KSR2: variants seen among roughly 807,000 people sequenced by gnomAD.
The protein encoded by KSR2 is kinase suppressor of ras 2.
A neutral mutation model predicts 107.8 loss-of-function variants in KSR2; 25 were observed. The ratio of observed to expected loss-of-function variants is 0.23; its 90% CI spans 0.17 to 0.32. The LOEUF (loss-of-function observed/expected upper bound fraction) is 0.32. Ranked by LOEUF, KSR2 falls within the 10% of genes least tolerant of loss-of-function variation. The pLI is 1.00. For missense variants in KSR2, 887 were observed against 1,268.9 expected (o/e 0.70, Z 4.57); for synonymous variants, 480 against 507.0 (o/e 0.95, Z 0.71).
At chr12:117,705,017 G>A (rs1012232384) in intron 4 of KSR2, among the ~76,000 whole-genome samples, 2 of 152,254 alleles carry the variant, frequency 1.3e-5, no homozygotes, top group Middle Eastern at 3.4e-3. Flanking sequence ...ATTAAGGGAC[G>A]CCTTTGTGCC....
At chr12:117,685,210 T>C (rs1306855867) in intron 4 of KSR2, among the ~76,000 whole-genome samples, 1 of 152,224 alleles carries the variant, frequency 6.6e-6, no homozygotes, top group Non-Finnish European at 1.5e-5. Context: ...TGTGTTGGCG[T>C]CCAGGCCCGT....
chr12:117,542,266 C>T (rs778715713), intron 9 of KSR2, among the ~76,000 whole-genome samples: 2 of 152,108 alleles, frequency 1.3e-5, no homozygotes, highest in Non-Finnish European at 2.9e-5. Context: ...TATGTAGGTA[C>T]CCACCTCCTT....
At chr12:117,837,937 G>C (rs1265733384) in intron 3 of KSR2, among the ~76,000 whole-genome samples, 2 of 152,142 alleles carry the variant, frequency 1.3e-5, no homozygotes, top group African/African-American at 4.8e-5. Flanking sequence ...GTCAGTGGGG[G>C]AAATTCGGAG....
intron 3 of KSR2, among the ~76,000 whole-genome samples, chr12:117,827,014 G>A (rs563523440): frequency 4.4e-4 from 60 of 136,418 alleles, no homozygotes; most frequent in African/African-American, 1.6e-3. Context: ...CAGCCTGGCC[G>A]ACACAGTGAG....
chr12:117,483,552 G>A (rs1872292415), intron 16 of KSR2, among the ~76,000 whole-genome samples: 2 of 152,058 alleles, frequency 1.3e-5, no homozygotes, highest in Admixed American at 1.3e-4. Context: ...GCGAGAGAGA[G>A]ACAGCAAGAG....
intron 3 of KSR2, among the ~76,000 whole-genome samples, chr12:117,796,281 G>A (rs1021205744): frequency 6.6e-6 from 1 of 152,178 alleles, no homozygotes; most frequent in African/African-American, 2.4e-5. Flanking sequence ...GCCTCTGTGA[G>A]CAAGTGCATG....
intron 1 of KSR2, among the ~76,000 whole-genome samples, chr12:117,887,364 G>C (rs2393376): frequency 0.37 from 56,689 of 152,012 alleles, 12,605 homozygotes; most frequent in East Asian, 0.87. Flanking sequence ...GGCCTCCCAA[G>C]TGCTGGGATT....
At chr12:117,792,900 C>T (rs1890310108) in intron 3 of KSR2, among the ~76,000 whole-genome samples, 1 of 150,436 alleles carries the variant, frequency 6.6e-6, no homozygotes, top group Non-Finnish European at 1.5e-5. Context: ...ACATGCAGAC[C>T]CTCACACCAA....
At chr12:117,724,610 A>T (rs1887345447) in intron 4 of KSR2, among the ~76,000 whole-genome samples, 1 of 150,056 alleles carries the variant, frequency 6.7e-6, no homozygotes, top group South Asian at 2.1e-4. Flanking sequence ...GCAGTTCTGG[A>T]CTGTTGGATG....
At chr12:117,957,521 C>T (rs1220407093) in intron 1 of KSR2, among the ~76,000 whole-genome samples, 2 of 152,244 alleles carry the variant, frequency 1.3e-5, no homozygotes, top group South Asian at 4.2e-4. Context: ...GAGCAGCACA[C>T]GGTGGGCAAG....
intron 1 of KSR2, among the ~76,000 whole-genome samples, chr12:117,867,590 T>C (rs1337689645): frequency 2.0e-5 from 3 of 152,204 alleles, no homozygotes; most frequent in Admixed American, 1.3e-4. Flanking sequence ...ACCTGCTGGC[T>C]TGGACCCCTG....
chr12:117,642,296 C>G (rs2136408031), intron 5 of KSR2, among the ~76,000 whole-genome samples: 1 of 152,296 alleles, frequency 6.6e-6, no homozygotes, highest in South Asian at 2.1e-4. Context: ...TTCCTCGTTG[C>G]CCATCACAGC....
At chr12:117,944,344 C>A (rs1896110100) in intron 1 of KSR2, among the ~76,000 whole-genome samples, 3 of 152,066 alleles carry the variant, frequency 2.0e-5, no homozygotes, top group Non-Finnish European at 4.4e-5. Flanking sequence ...CCATTGCACT[C>A]CAGCCTGGGC....
intron 14 of KSR2, among the ~76,000 whole-genome samples, chr12:117,503,732 T>C (rs1592934448): frequency 2.0e-5 from 3 of 152,182 alleles, no homozygotes; most frequent in Admixed American, 6.5e-5. Flanking sequence ...TGCAAAGAGG[T>C]TGGATCATTA....
chr12:117,941,441 A>G (rs1256958147), intron 1 of KSR2, among the ~76,000 whole-genome samples: 2 of 152,170 alleles, frequency 1.3e-5, no homozygotes, highest in East Asian at 3.9e-4. Context: ...ATTTCAACTC[A>G]AAGTGTACAT....
At chr12:117,683,618 C>T (rs10507283) in intron 4 of KSR2, among the ~76,000 whole-genome samples, 7,217 of 152,268 alleles carry the variant, frequency 0.047, 232 homozygotes, top group East Asian at 0.12. Context: ...GATTAAACTT[C>T]GCTCAGTGAC....
chr12:117,794,513 A>G (rs1420114445), intron 3 of KSR2, among the ~76,000 whole-genome samples: 57 of 135,498 alleles, frequency 4.2e-4, no homozygotes, highest in African/African-American at 1.7e-3. Context: ...CACAACATGC[A>G]CACACACCAA....
At chr12:117,610,177 A>C (rs1222041789) in intron 5 of KSR2, among the ~76,000 whole-genome samples, 2 of 152,194 alleles carry the variant, frequency 1.3e-5, no homozygotes, top group South Asian at 4.1e-4. Flanking sequence ...AGTATAAATC[A>C]ATGAAATTTT....
In KSR2 at chr12:117,794,427, T is replaced by C. The variant is rs530464596; in HGVS notation, c.473-32903A>G. On this transcript the variant is annotated intron_variant, in intron 3 of 19. Coordinates refer to ENST00000339824, the MANE Select transcript of KSR2 (RefSeq NM_173598.6). ...CATGCACACACATGCACATACAACA[T>C]GCACACTCACACCAACATGCACACA... Among the ~76,000 whole-genome samples the C allele has an allele frequency of 1.4e-3, 113 of 80,172 alleles. 14 individuals are homozygous for C. The highest frequency in any genetic ancestry group is 6.1e-3 in the African/African-American group (109 of 17,928). The allele number at this position is 80,172 out of a possible 152,430, so 52.6% of individuals were successfully genotyped here.
Sources: allele counts gnomAD v4.1 joint callset (sites outside exome capture counted in the v4.1 genomes callset), GRCh38; gene constraint gnomAD v4.1.1; transcripts MANE v1.5; gene names NCBI Gene and HGNC (gene_info 2026-07-23, HGNC 2026-07-21).